The following SYT2 variants were observed in gnomAD, a reference collection of about 807,000 sequenced individuals.
SYT2 encodes synaptotagmin-2.
Under a neutral mutation model 39.9 loss-of-function variants are expected in SYT2, and 15 were observed. The observed-to-expected ratio is 0.38, with a 90% CI of 0.25 to 0.58. The LOEUF (loss-of-function observed/expected upper bound fraction) is 0.58. Ranked by LOEUF, SYT2 falls within the 20% of genes least tolerant of loss-of-function variation. The probability of loss-of-function intolerance (pLI) is 0.70; values close to 1 mark genes in which losing one functional copy is unlikely to be tolerated. For missense variants in SYT2, 389 were observed against 530.3 expected (o/e 0.73, Z 2.62); for synonymous variants, 181 against 204.5 (o/e 0.89, Z 0.98).
intron 1 of SYT2, among the ~76,000 whole-genome samples, chr1:202,685,372 A>G (rs1292577533): frequency 6.6e-6 from 1 of 152,190 alleles, no homozygotes; most frequent in Non-Finnish European, 1.5e-5. Context: ...GAATTCCATT[A>G]GCAATGTGGA....
chr1:202,627,489 C>T (rs1691449890), intron 1 of SYT2: 2 of 985,364 alleles, frequency 2.0e-6, no homozygotes, highest in Non-Finnish European at 2.4e-6. Context: ...ACACCCAGGG[C>T]CTGAGTGGTC....
intron 1 of SYT2, among the ~76,000 whole-genome samples, chr1:202,682,090 G>T (rs938972943): frequency 6.6e-6 from 1 of 152,168 alleles, no homozygotes; most frequent in Non-Finnish European, 1.5e-5. Context: ...AGCCACCTCT[G>T]TAGCTCCCTG....
Position 202,709,871 on chromosome 1 carries a change from G to A in SYT2, c.-18+387C>T, listed in dbSNP as rs575531113. ...TTCCTTGGAGACCGCTAGGGCTGGC[G>A]GGGGCTGGGCTAGACGCGAGTGGGT... On this transcript the variant is annotated intron_variant, in intron 1 of 8. Transcript: ENST00000367268. Among the ~76,000 whole-genome samples the A allele has an allele frequency of 3.6e-4, 55 of 152,240 alleles. 1 individual carries two copies. Among genetic ancestry groups the A allele is most frequent in the Admixed American group, 2.4e-3 (37 of 15,296 alleles).
chr1:202,662,038 T>C (rs1437121825), intron 1 of SYT2, among the ~76,000 whole-genome samples: 1 of 152,114 alleles, frequency 6.6e-6, no homozygotes, highest in Non-Finnish European at 1.5e-5. Context: ...CACAATGCAA[T>C]GTACAACGTA....
In SYT2 at chr1:202,603,045, A is replaced by G; in HGVS notation, c.419T>C (p.Leu140Pro). The change falls in exon 4 of 9, where the codon CTG (leucine) becomes CCG (proline). Residue 140 changes from leucine (L) to proline (P), a missense_variant. Physicochemically the swap from Leu to Pro is moderately conservative, Grantham distance 98. This residue lies in a region of SYT2 where 280 missense variants were observed against 335.6 expected (regional missense o/e 0.83). Transcript: ENST00000367268. ...EGEEEKEPENLGKLQFSLDYD... is the reference protein window; with the variant it reads ...EGEEEKEPENPGKLQFSLDYD... ...GTCCAGGGAAAACTGCAGTTTGCCCAGGTTCTCTGGCTCTTTCTCCTCCTC... is the reference window on the plus strand; with the variant it reads ...GTCCAGGGAAAACTGCAGTTTGCCCGGGTTCTCTGGCTCTTTCTCCTCCTC... 6.2e-7 allele frequency: 1 copy of G among 1,613,642 alleles called. No homozygotes were observed. The highest frequency in any genetic ancestry group is 8.5e-7 in the Non-Finnish European group (1 of 1,179,902).
Position 202,702,707 on chromosome 1 carries a change from A to G in SYT2, c.-18+7551T>C, listed in dbSNP as rs114222664. ...CCTCCACCCCGTCTCCTAACATCCC[A>G]TCTTAGGCCCTATGACCGGGCCGTC... On this transcript the variant is annotated intron_variant, in intron 1 of 8. Coordinates refer to ENST00000367268, the MANE Select transcript of SYT2 (RefSeq NM_177402.5). 9.5e-3 allele frequency among the ~76,000 whole-genome samples: 1,447 copies of G among 152,184 alleles called. 24 individuals carry two copies. The highest frequency in any genetic ancestry group is 0.031 in the African/African-American group (1,290 of 41,514).
At chr1:202,691,724 AGAGGGG>A (rs1558463360) in intron 1 of SYT2, among the ~76,000 whole-genome samples, 1 of 9,606 alleles carries the variant, frequency 1.0e-4, no homozygotes, top group Non-Finnish European at 1.9e-4. Context: ...AGGGAGAGGG[AGAGGGG>A]GGGAGAGAGA....
intron 1 of SYT2, among the ~76,000 whole-genome samples, chr1:202,647,525 C>T (rs2149100693): frequency 6.6e-6 from 1 of 152,250 alleles, no homozygotes; most frequent in South Asian, 2.1e-4. Context: ...AGGCTACCTG[C>T]CTGGGCAGTG....
At chr1:202,644,115 C>T (rs147949216) in intron 1 of SYT2, among the ~76,000 whole-genome samples, 1 of 152,310 alleles carries the variant, frequency 6.6e-6, no homozygotes, top group Non-Finnish European at 1.5e-5. Flanking sequence ...CTCCGGCAGC[C>T]CGCGGTCCCC....
intron 1 of SYT2, among the ~76,000 whole-genome samples, chr1:202,705,475 A>T (rs1241282266): frequency 6.6e-6 from 1 of 152,246 alleles, no homozygotes; most frequent in Non-Finnish European, 1.5e-5. Context: ...TCCCCGGCTA[A>T]AGTGACCAAG....
chr1:202,644,005 A>G (rs1236786018), intron 1 of SYT2, among the ~76,000 whole-genome samples: 1 of 152,138 alleles, frequency 6.6e-6, no homozygotes, highest in East Asian at 1.9e-4. Context: ...GATAAGGATG[A>G]AGGTTTTCCT....
At chr1:202,639,552 G>C (rs1289817750) in intron 1 of SYT2, 1 of 985,310 alleles carries the variant, frequency 1.0e-6, no homozygotes, top group Admixed American at 6.1e-5. Context: ...GTGGAAGGCG[G>C]TGTTCCCCGC....
rs930133023 is a variant in SYT2 at position 202,610,682 on chromosome 1, GACAA to G, written c.-17-4897_-17-4894del. Among the ~76,000 whole-genome samples, 313 of 152,210 alleles carry G rather than the reference GACAA, an allele frequency of 2.1e-3. 2 individuals are homozygous for G. The highest frequency in any genetic ancestry group is 7.2e-3 in the African/African-American group (300 of 41,512). ...CAAGCATTCTTATACACCAACAACAGACAAACAGAGAGCCAAATCATGAGTGAAC... is the reference window on the plus strand; with the variant it reads ...CAAGCATTCTTATACACCAACAACAGACAGAGAGCCAAATCATGAGTGAAC... On this transcript the variant is annotated intron_variant, in intron 1 of 8. Coordinates refer to ENST00000367268, the MANE Select transcript of SYT2 (RefSeq NM_177402.5).
In SYT2 at chr1:202,595,943, T is replaced by A. The variant is rs1690268395; in HGVS notation, c.*814A>T. The A allele has an allele frequency of 6.6e-6, 1 of 152,194 alleles. No individual in the cohort carries two copies. The highest frequency in any genetic ancestry group is 1.5e-5 in the Non-Finnish European group (1 of 68,056). 9.4% of individuals were successfully genotyped at this position (152,194 alleles called of 1,614,324 possible). A position where few individuals can be genotyped will look rare whatever the true frequency, so the allele number is the denominator to read the frequency against. ...TCCATGAATGTCCCAGGAACTACAC[T>A]TCTGGGGAAACCATGACTGGCAGGA... On this transcript the variant is annotated 3_prime_UTR_variant, in exon 9 of 9. Coordinates refer to ENST00000367268, the MANE Select transcript of SYT2 (RefSeq NM_177402.5).
At chr1:202,606,035 A>G (rs1368489255) in intron 1 of SYT2, among the ~76,000 whole-genome samples, 1 of 151,938 alleles carries the variant, frequency 6.6e-6, no homozygotes, top group Non-Finnish European at 1.5e-5. Context: ...GGCTGAAGTG[A>G]TAGAGGATCA....
chr1:202,706,270 G>C (rs1344867802), intron 1 of SYT2, among the ~76,000 whole-genome samples: 1 of 151,966 alleles, frequency 6.6e-6, no homozygotes, highest in Admixed American at 6.6e-5. Flanking sequence ...ATGAAATGCA[G>C]GACTGACCAC....
intron 1 of SYT2, among the ~76,000 whole-genome samples, chr1:202,705,650 T>G (rs10920459): frequency 6.6e-6 from 1 of 151,820 alleles, no homozygotes; most frequent in Non-Finnish European, 1.5e-5. Context: ...GCAGGGACTT[T>G]ATCCTCATCA....
chr1:202,596,594 AG>A lies in SYT2; in HGVS notation c.*162del. 1.5e-6 allele frequency: 1 copy of A among 669,988 alleles called. No homozygotes were observed. 41.5% of individuals were successfully genotyped at this position (669,988 alleles called of 1,614,324 possible). On this transcript the variant is annotated 3_prime_UTR_variant, in exon 9 of 9. Coordinates refer to ENST00000367268, the MANE Select transcript of SYT2 (RefSeq NM_177402.5). ...GGGACTCTCCTCACACAGCCATCAA[AG>A]GGAAGTTGGTCTTTAAAAAGAGAAA...
chr1:202,595,205 GGAA>G lies in SYT2; in HGVS notation c.*1549_*1551del, dbSNP rs1271740797. ...ACTCTGTTGTCCAGGCTGAAGGATT[GGAA>G]GAAGACTCAGTGCAAACCTGACTAA... is the stretch of plus-strand genomic sequence containing the variant. On this transcript the variant is annotated 3_prime_UTR_variant, in exon 9 of 9. Coordinates refer to ENST00000367268, the MANE Select transcript of SYT2 (RefSeq NM_177402.5). 3.3e-5 allele frequency: 5 copies of G among 152,432 alleles called. No homozygotes were observed. The East Asian group carries it at 9.6e-4, about 29-fold the overall frequency. The allele number at this position is 152,432 out of a possible 1,614,324, so 9.4% of individuals were successfully genotyped here. A position where few individuals can be genotyped will look rare whatever the true frequency, so the allele number is the denominator to read the frequency against.
Sources: gnomAD v4.1 joint callset for allele counts (sites outside exome capture counted in the v4.1 genomes callset) on GRCh38, gnomAD v4.1.1 for gene constraint, gnomAD v4.1.1 regional missense constraint, MANE v1.5 for transcripts, NCBI Gene and HGNC (gene_info 2026-07-23, HGNC 2026-07-21) for gene names.